Variants in STYXL2 observed in about 807,000 individuals in gnomAD.
STYXL2 encodes serine/threonine/tyrosine interacting like 2, also known as serine/threonine/tyrosine-interacting-like protein 2.
STYXL2 carries 44 observed loss-of-function variants against 52.4 expected under a neutral mutation model. That is an observed-to-expected ratio of 0.84 (90% CI 0.66 to 1.08). The LOEUF (loss-of-function observed/expected upper bound fraction) is 1.08. STYXL2 is among the 50% of genes least tolerant of loss of function. STYXL2 has a pLI of 0.00. For synonymous variants in STYXL2, 604 were observed against 586.9 expected, an observed-to-expected ratio of 1.03 and a Z score of -0.42; for missense variants, 1,604 against 1,471.7, an observed-to-expected ratio of 1.09 and a Z score of -1.47.
chr1:167,111,507 TATATATACACAC>T (rs1294306955), intron 2 of STYXL2, among the ~76,000 whole-genome samples: 25 of 49,930 alleles, frequency 5.0e-4, no homozygotes, highest in African/African-American at 7.9e-4. Context: ...TATATATATA[TATATATACACAC>T]ACACACACAC....
chr1:167,094,931 C>A lies in STYXL2; in HGVS notation c.82C>A (p.His28Asn), dbSNP rs1287694087. The change falls in exon 2 of 6, where the codon CAC becomes AAC. Residue 28 changes from histidine (H) to asparagine (N), a missense_variant. His to Asn is a moderately conservative substitution (Grantham distance 68). Coordinates refer to ENST00000361200, the MANE Select transcript of STYXL2 (RefSeq NM_001080426.3). ...DEANVRAVQAHYLRSPSPSQY... is the reference protein window; with the variant it reads ...DEANVRAVQANYLRSPSPSQY... The stretch of plus-strand genomic sequence containing the variant: ...AGCCAACGTGAGGGCGGTGCAGGCC[C>A]ACTACCTCCGAAGCCCCTCCCCTAG... 1.2e-6 allele frequency: 2 copies of A among 1,609,432 alleles called. No individual in the cohort carries two copies. Among genetic ancestry groups the A allele is most frequent in the Admixed American group, 1.7e-5 (1 of 59,524 alleles).
chr1:167,129,059 G>T lies in STYXL2; in HGVS notation c.*451G>T. 6.8e-6 allele frequency: 1 copy of T among 147,282 alleles called. No homozygotes were observed. Among genetic ancestry groups the T allele is most frequent in the South Asian group, 2.1e-4 (1 of 4,792 alleles). The allele number at this position is 147,282 out of a possible 1,614,324, so 9.1% of individuals were successfully genotyped here. On this transcript the variant is annotated 3_prime_UTR_variant, in exon 6 of 6. Coordinates refer to ENST00000361200, the MANE Select transcript of STYXL2 (RefSeq NM_001080426.3). ...TCCTATGGCAAGTCTGACCTCTCCT[G>T]GCAATGCTCAGTTCTGATTTTTTTT...
chr1:167,110,505 A>T lies in STYXL2; in HGVS notation c.111-3205A>T, dbSNP rs115061498. Reference sequence around the variant, plus strand: ...ACAGGATATGAACAAAACAAACTCCAGAAAAATAGATAGCATCAACAACAA... The same window carrying T: ...ACAGGATATGAACAAAACAAACTCCTGAAAAATAGATAGCATCAACAACAA... On this transcript the variant is annotated intron_variant, in intron 2 of 5. Coordinates refer to ENST00000361200, the MANE Select transcript of STYXL2 (RefSeq NM_001080426.3). 2.4e-3 allele frequency among the ~76,000 whole-genome samples: 370 copies of T among 152,374 alleles called. 1 individual carries two copies. Among genetic ancestry groups the T allele is most frequent in the African/African-American group, 8.3e-3 (345 of 41,588 alleles).
chr1:167,113,435 C>T (rs528354589), intron 2 of STYXL2, among the ~76,000 whole-genome samples: 22 of 152,220 alleles, frequency 1.4e-4, no homozygotes, highest in Admixed American at 6.5e-5. Flanking sequence ...TTCCCCCAAG[C>T]GTAGATGTAC....
chr1:167,098,347 A>G (rs775962960), intron 2 of STYXL2, among the ~76,000 whole-genome samples: 4 of 151,962 alleles, frequency 2.6e-5, no homozygotes, highest in Non-Finnish European at 5.9e-5. Flanking sequence ...AAGGTTTCAC[A>G]TGCCTGTAGC....
chr1:167,119,835 G>A (rs1207498546), intron 5 of STYXL2, among the ~76,000 whole-genome samples: 2 of 152,226 alleles, frequency 1.3e-5, no homozygotes, highest in Non-Finnish European at 2.9e-5. Flanking sequence ...GCTCCTTGGA[G>A]AGCATGGGGG....
At chr1:167,098,003 C>CTTTTTT (rs35037292) in intron 2 of STYXL2, among the ~76,000 whole-genome samples, 1 of 96,600 alleles carries the variant, frequency 1.0e-5, no homozygotes, top group Non-Finnish European at 2.0e-5. Flanking sequence ...TCTCTACAAA[C>CTTTTTT]TTTTTTTTTT....
At position 167,127,622 on chromosome 1, in the gene STYXL2, G is replaced by C; in HGVS notation, c.2491G>C (p.Val831Leu). 1 of 1,614,186 alleles carries C rather than the reference G, an allele frequency of 6.2e-7. No homozygotes were observed. The highest frequency in any genetic ancestry group is 8.5e-7 in the Non-Finnish European group (1 of 1,180,030). ...KPIFSLFADNVDLKELGRKEK... is the reference protein window; with the variant it reads ...KPIFSLFADNLDLKELGRKEK... ...CATCTTCAGCCTCTTTGCTGACAAT[G>C]TGGACCTAAAGGAACTTGGCCGGAA... Residue 831 changes from valine (V) to leucine (L), a missense_variant, in exon 6 of 6, where the codon GTG (valine) becomes CTG (leucine). Transcript: ENST00000361200.
chr1:167,126,397 C>T lies in STYXL2; in HGVS notation c.1266C>T (p.Asp422=), dbSNP rs766979901. Residue 422 remains aspartate, a synonymous_variant, in exon 6 of 6, where the codon GAC becomes GAT. Coordinates refer to ENST00000361200, the MANE Select transcript of STYXL2 (RefSeq NM_001080426.3). ...GREEEKEEES[D]AGSSVGRRRR... is the part of the protein sequence containing the mutation. ...AGGAGGAGAAGGAGGAGGAGAGCGACGCTGGCTCCTCGGTGGGGAGGCGGC... is the reference window on the plus strand; with the variant it reads ...AGGAGGAGAAGGAGGAGGAGAGCGATGCTGGCTCCTCGGTGGGGAGGCGGC... The T allele has an allele frequency of 1.9e-6, 3 of 1,556,122 alleles. No homozygotes were observed. Among genetic ancestry groups the T allele is most frequent in the East Asian group, 2.4e-5 (1 of 41,538 alleles).
chr1:167,104,750 T>C (rs2102226659), intron 2 of STYXL2, among the ~76,000 whole-genome samples: 1 of 152,328 alleles, frequency 6.6e-6, no homozygotes. Flanking sequence ...ACTGAAAACT[T>C]AGAGCTCAGA....
chr1:167,097,559 G>A (rs12044569), intron 2 of STYXL2, among the ~76,000 whole-genome samples: 55,972 of 151,910 alleles, frequency 0.37, 10,856 homozygotes, highest in African/African-American at 0.48. Context: ...AAGTTTTGCA[G>A]TGGAGTGTAT....
chr1:167,116,655 T>TG (rs1667729804), intron 3 of STYXL2, among the ~76,000 whole-genome samples: 1 of 148,036 alleles, frequency 6.8e-6, no homozygotes, highest in African/African-American at 2.5e-5. Context: ...TTTTTGGTTT[T>TG]TTTTTTTTTT....
chr1:167,111,301 C>T (rs1667610878), intron 2 of STYXL2, among the ~76,000 whole-genome samples: 2 of 151,424 alleles, frequency 1.3e-5, no homozygotes, highest in South Asian at 4.2e-4. Flanking sequence ...AGTAGATCTA[C>T]CATTTGATCC....
At chr1:167,115,587 A>G (rs16858485) in intron 3 of STYXL2, among the ~76,000 whole-genome samples, 3,012 of 152,282 alleles carry the variant, frequency 0.02, 126 homozygotes, top group African/African-American at 0.069. Context: ...GTGTATTTTA[A>G]TGAGGTGTCA....
rs1488628813 is a variant in STYXL2 at position 167,127,543 on chromosome 1, A to G, written c.2412A>G (p.Thr804=). The change falls in exon 6 of 6, where the codon ACA becomes ACG. Residue 804 remains threonine (T), a synonymous_variant. Transcript: ENST00000361200. ...AGTCTGTGCTGTCCTGCAACACCAC[A>G]CTGAGCTCACCCGCGGAAAGTTGCA... ...DMQSVLSCNT[T]LSSPAESCRS... The G allele has an allele frequency of 1.9e-6, 3 of 1,613,984 alleles. No individual in the cohort carries two copies. The highest frequency in any genetic ancestry group is 2.5e-6 in the Non-Finnish European group (3 of 1,179,978).
chr1:167,105,616 C>G (rs1413825610), intron 2 of STYXL2, among the ~76,000 whole-genome samples: 1 of 152,276 alleles, frequency 6.6e-6, no homozygotes, highest in South Asian at 2.1e-4. Flanking sequence ...CCTCCTTCCT[C>G]TTTTCTATTT....
chr1:167,100,929 C>T (rs923736177), intron 2 of STYXL2, among the ~76,000 whole-genome samples: 1 of 152,236 alleles, frequency 6.6e-6, no homozygotes, highest in African/African-American at 2.4e-5. Context: ...TACATTTGCA[C>T]AGGCTTTGGA....
chr1:167,096,764 C>T (rs1313834675), intron 2 of STYXL2, among the ~76,000 whole-genome samples: 1 of 152,198 alleles, frequency 6.6e-6, no homozygotes, highest in Non-Finnish European at 1.5e-5. Flanking sequence ...TCGATAATAG[C>T]AGTCTCAGCC....
intron 3 of STYXL2, 110 bp from the exon 4 acceptor site, chr1:167,117,218 C>A: frequency 1.0e-6 from 1 of 971,808 alleles, no homozygotes; most frequent in East Asian, 2.6e-5. Context: ...GGCATTCAGT[C>A]CATGCCCAGA....
Sources: allele counts gnomAD v4.1 joint callset (sites outside exome capture counted in the v4.1 genomes callset), GRCh38; gene constraint gnomAD v4.1.1; transcripts MANE v1.5; gene names NCBI Gene and HGNC (gene_info 2026-07-23, HGNC 2026-07-21).